The following PSTPIP1 variants were observed in gnomAD, a reference collection of about 807,000 sequenced individuals.
PSTPIP1 encodes proline-serine-threonine phosphatase-interacting protein 1.
In PSTPIP1, 66 loss-of-function variants were observed where a neutral mutation model predicts 69.6. That is an observed-to-expected ratio of 0.95 (90% CI 0.78 to 1.16). The LOEUF (loss-of-function observed/expected upper bound fraction) is 1.16. Ranked by LOEUF, PSTPIP1 falls within the 50% of genes most tolerant of loss-of-function variation. PSTPIP1 has a pLI of 0.00. For missense variants in PSTPIP1, 603 were observed against 557.4 expected (o/e 1.08, Z -0.82); for synonymous variants, 266 against 222.7 (o/e 1.19, Z -1.73).
At chr15:77,031,323 T>C (rs1408637376) in intron 10 of PSTPIP1, 45 bp downstream of exon 10, 10 of 1,584,598 alleles carry the variant, frequency 6.3e-6, no homozygotes, top group Non-Finnish European at 7.8e-6. Context: ...GGGCAGCCTC[T>C]AGGCAGCAAA....
intron 5 of PSTPIP1, chr15:77,026,120 T>C (rs925151568): frequency 4.4e-6 from 2 of 456,026 alleles, no homozygotes; most frequent in African/African-American, 4.0e-5. Flanking sequence ...ATGTAGGGCA[T>C]GGCTGTCCCG....
chr15:77,002,802 T>C lies in PSTPIP1; in HGVS notation c.36+7193T>C, dbSNP rs561490190. On this transcript the variant is annotated intron_variant, in intron 1 of 14. Coordinates refer to ENST00000558012, the MANE Select transcript of PSTPIP1 (RefSeq NM_003978.5). ...ATCTGCTTCTTGATGACCCACTTTG[T>C]GCTCCAGTCCCCTGGAACCCACATG... Among the ~76,000 whole-genome samples the C allele has an allele frequency of 6.6e-4, 101 of 152,338 alleles. No individual in the cohort carries two copies. In the Middle Eastern group the frequency reaches 0.017, roughly 26 times the overall value.
At chr15:77,004,815 C>G (rs1030510190) in intron 1 of PSTPIP1, among the ~76,000 whole-genome samples, 2 of 151,874 alleles carry the variant, frequency 1.3e-5, no homozygotes, top group East Asian at 3.9e-4. Flanking sequence ...ACTGTATGAT[C>G]GCACCACTGC....
At chr15:77,015,839 A>G (rs1596078573) in intron 1 of PSTPIP1, 10 of 443,364 alleles carry the variant, frequency 2.3e-5, no homozygotes, top group South Asian at 1.4e-4. Context: ...AGTCCTTGTG[A>G]CAGTAGCTCA....
chr15:76,997,800 A>G (rs988708249), intron 1 of PSTPIP1, among the ~76,000 whole-genome samples: 25 of 152,228 alleles, frequency 1.6e-4, no homozygotes, highest in African/African-American at 6.0e-4. Flanking sequence ...ACAAATCTGT[A>G]AAACAGAAAA....
At chr15:77,035,397 C>T in intron 12 of PSTPIP1, 111 bp from the exon 13 acceptor site, 2 of 1,180,422 alleles carry the variant, frequency 1.7e-6, no homozygotes, top group Non-Finnish European at 2.5e-6. Flanking sequence ...GCAGTCCCAG[C>T]CCTGGCAGAG....
intron 5 of PSTPIP1, chr15:77,026,008 C>T (rs1363794125): frequency 6.9e-6 from 3 of 434,998 alleles, no homozygotes; most frequent in East Asian, 7.0e-5. Context: ...AGACTTGCAG[C>T]CAGTCACCCC....
intron 2 of PSTPIP1, 70 bp downstream of exon 2, chr15:77,018,318 G>GT: frequency 6.5e-7 from 1 of 1,538,582 alleles, no homozygotes; most frequent in South Asian, 1.2e-5. Flanking sequence ...TCCTGGGACA[G>GT]TGGACGAGGC....
At chr15:77,033,686 A>G (rs2076477141) in intron 12 of PSTPIP1, among the ~76,000 whole-genome samples, 1 of 152,112 alleles carries the variant, frequency 6.6e-6, no homozygotes, top group Non-Finnish European at 1.5e-5. Context: ...TCTGGGAGGT[A>G]GTGGACTGTG....
intron 6 of PSTPIP1, 34 bp from the exon 7 acceptor site, chr15:77,028,520 G>A: frequency 6.5e-7 from 1 of 1,535,314 alleles, no homozygotes; most frequent in Non-Finnish European, 8.8e-7. Context: ...ACAGGGCTGT[G>A]CAGCCCCCAA....
intron 1 of PSTPIP1, chr15:77,016,084 T>G (rs890448428): frequency 4.4e-6 from 2 of 456,134 alleles, no homozygotes; most frequent in Middle Eastern, 3.3e-4. Context: ...GGTGTGGGGC[T>G]GGGCTCCAGG....
At chr15:77,035,770 G>A (rs79288253) in intron 13 of PSTPIP1, 32 bp from the exon 14 acceptor site, 11 of 1,446,258 alleles carry the variant, frequency 7.6e-6, no homozygotes, top group South Asian at 7.5e-5. Context: ...GTCCCCAGAA[G>A]GGGAGGGGTC....
chr15:77,016,333 T>C (rs2076052137), intron 1 of PSTPIP1, among the ~76,000 whole-genome samples: 1 of 152,050 alleles, frequency 6.6e-6, no homozygotes, highest in Non-Finnish European at 1.5e-5. Context: ...TTTGTTTTTC[T>C]TCCCAGCCGC....
chr15:77,015,802 G>A (rs986623166), intron 1 of PSTPIP1: 1 of 403,554 alleles, frequency 2.5e-6, no homozygotes, highest in African/African-American at 2.0e-5. Context: ...AGCCCCTGGA[G>A]AGTCAGGCAC....
chr15:77,007,244 T>C (rs1255151245), intron 1 of PSTPIP1, among the ~76,000 whole-genome samples: 1 of 152,152 alleles, frequency 6.6e-6, no homozygotes, highest in Non-Finnish European at 1.5e-5. Flanking sequence ...GTCACCAACT[T>C]CCTCAGTGGA....
At chr15:77,010,326 G>A (rs1044780866) in intron 1 of PSTPIP1, among the ~76,000 whole-genome samples, 1 of 152,182 alleles carries the variant, frequency 6.6e-6, no homozygotes, top group Non-Finnish European at 1.5e-5. Context: ...AGGACTGGAG[G>A]GGATCATGCG....
In PSTPIP1 at chr15:77,037,442, C is replaced by T. The variant is rs572048062; in HGVS notation, c.*266C>T. Reference sequence around the variant, plus strand: ...GGAGCCTGGATGTGGAGCTCCCCAACTCAGCCGAGGCTTCAGCTATAGTTG... The same window carrying T: ...GGAGCCTGGATGTGGAGCTCCCCAATTCAGCCGAGGCTTCAGCTATAGTTG... On this transcript the variant is annotated 3_prime_UTR_variant, in exon 15 of 15. Coordinates refer to ENST00000558012, the MANE Select transcript of PSTPIP1 (RefSeq NM_003978.5). 4 of 361,832 alleles carry T rather than the reference C, an allele frequency of 1.1e-5. No homozygotes were observed. Among genetic ancestry groups the T allele is most frequent in the Middle Eastern group, 8.6e-4 (1 of 1,160 alleles). 22.4% of individuals were successfully genotyped at this position (361,832 alleles called of 1,614,324 possible). A position where few individuals can be genotyped will look rare whatever the true frequency, so the allele number is the denominator to read the frequency against.
At chr15:77,035,696 C>T in intron 13 of PSTPIP1, 106 bp from the exon 14 acceptor site, 2 of 1,481,260 alleles carry the variant, frequency 1.4e-6, no homozygotes, top group Non-Finnish European at 1.8e-6. Flanking sequence ...GTGTGGACAG[C>T]AGAAGGAAGA....
At chr15:77,001,058 A>G (rs568347687) in intron 1 of PSTPIP1, among the ~76,000 whole-genome samples, 10 of 152,196 alleles carry the variant, frequency 6.6e-5, no homozygotes, top group East Asian at 5.8e-4. Context: ...ACCACTGTTC[A>G]TGGCTGCACA....
Sources: allele counts gnomAD v4.1 joint callset (sites outside exome capture counted in the v4.1 genomes callset), GRCh38; gene constraint gnomAD v4.1.1; transcripts MANE v1.5; gene names NCBI Gene and HGNC (gene_info 2026-07-23, HGNC 2026-07-21).